The following EMP1 variants were observed in gnomAD, a reference collection of about 807,000 sequenced individuals.
The protein encoded by EMP1 is tumor-associated membrane protein.
EMP1 carries 5 observed loss-of-function variants against 15.7 expected under a neutral mutation model. The ratio of observed to expected loss-of-function variants is 0.32; its 90% CI spans 0.17 to 0.67. EMP1 has a LOEUF of 0.67. Among genes scored for constraint, EMP1 ranks in the 30% least tolerant of loss-of-function variants. EMP1 has a pLI of 0.74. For missense variants in EMP1, 166 were observed against 194.2 expected (o/e 0.85, Z 0.86); for synonymous variants, 78 against 76.7 (o/e 1.02, Z -0.09).
intron 4 of EMP1, chr12:13,214,210 G>A: frequency 1.7e-6 from 1 of 596,644 alleles, no homozygotes. Context: ...GGAAGGACAT[G>A]CTCTTTTGCA....
In EMP1 at chr12:13,218,152, T is replaced by C. The variant is rs1378785790; in HGVS notation, c.*3461T>C. The C allele has an allele frequency of 2.6e-5, 4 of 152,210 alleles. No homozygotes were observed. Among genetic ancestry groups the C allele is most frequent in the Admixed American group, 2.0e-4 (3 of 15,282 alleles). 9.4% of individuals were successfully genotyped at this position (152,210 alleles called of 1,614,324 possible). ...GATAACTTATTCATTCATCAAGGGA[T>C]AAACTTGAGTTATCAAATGGTTAAT... On this transcript the variant is annotated 3_prime_UTR_variant, in exon 5 of 5. Coordinates refer to ENST00000256951, the MANE Select transcript of EMP1 (RefSeq NM_001423.3).
At chr12:13,204,981 T>C (rs1864098830) in intron 1 of EMP1, among the ~76,000 whole-genome samples, 1 of 151,936 alleles carries the variant, frequency 6.6e-6, no homozygotes, top group Non-Finnish European at 1.5e-5. Flanking sequence ...TCTAGTCAGG[T>C]AATCTCACCG....
intron 1 of EMP1, among the ~76,000 whole-genome samples, chr12:13,198,946 T>TC (rs201967453): frequency 0.092 from 12,489 of 135,400 alleles, 583 homozygotes; most frequent in Non-Finnish European, 0.13. Context: ...GGGTTATTTT[T>TC]CCCCCCCACT....
At chr12:13,206,565 A>G (rs1006440169) in intron 1 of EMP1, among the ~76,000 whole-genome samples, 2 of 152,044 alleles carry the variant, frequency 1.3e-5, no homozygotes, top group African/African-American at 4.8e-5. Flanking sequence ...TGGTTGCTCT[A>G]TTCTATTGTG....
In EMP1 at chr12:13,216,617, C is replaced by T. The variant is rs1864218145; in HGVS notation, c.*1926C>T. 2.0e-5 allele frequency: 12 copies of T among 608,360 alleles called. No individual in the cohort carries two copies. Among genetic ancestry groups the T allele is most frequent in the Non-Finnish European group, 3.5e-5 (12 of 343,360 alleles). 37.7% of individuals were successfully genotyped at this position (608,360 alleles called of 1,614,324 possible). A position where few individuals can be genotyped will look rare whatever the true frequency, so the allele number is the denominator to read the frequency against. Reference sequence around the variant, plus strand: ...CTTATCTTTTACTTTTTTTCTGTGACATTTATGTCTCATGTAATTTGCATT... The same window carrying T: ...CTTATCTTTTACTTTTTTTCTGTGATATTTATGTCTCATGTAATTTGCATT... On this transcript the variant is annotated 3_prime_UTR_variant, in exon 5 of 5. Transcript: ENST00000256951.
rs746180933 is a variant in EMP1 at position 13,214,518 on chromosome 12, T to C, written c.317-16T>C. 4 of 1,607,170 alleles carry C rather than the reference T, an allele frequency of 2.5e-6. No homozygotes were observed. The highest frequency in any genetic ancestry group is 3.4e-6 in the Non-Finnish European group (4 of 1,175,904). On this transcript the variant is annotated splice_polypyrimidine_tract_variant and intron_variant, in intron 4 of 4. Coordinates refer to ENST00000256951, the MANE Select transcript of EMP1 (RefSeq NM_001423.3). ...ATGTAAGAAAACACACCGACAAATCTCCTTTTCCCCTGCAGGGCTGTGCAT... is the reference window on the plus strand; with the variant it reads ...ATGTAAGAAAACACACCGACAAATCCCCTTTTCCCCTGCAGGGCTGTGCAT...
intron 1 of EMP1, among the ~76,000 whole-genome samples, chr12:13,204,840 A>G (rs1864097764): frequency 6.6e-6 from 1 of 152,250 alleles, no homozygotes. Context: ...GGGAGTGTCT[A>G]GCAGTAATCT....
At chr12:13,208,540 C>T (rs1317486464) in intron 1 of EMP1, among the ~76,000 whole-genome samples, 1 of 152,146 alleles carries the variant, frequency 6.6e-6, no homozygotes, top group Non-Finnish European at 1.5e-5. Flanking sequence ...ATGGAAGCCC[C>T]TCTAAACTGA....
intron 1 of EMP1, chr12:13,209,706 A>G (rs1196970636): frequency 6.6e-6 from 1 of 152,198 alleles, no homozygotes; most frequent in African/African-American, 2.4e-5. Flanking sequence ...TGAGCGGTCA[A>G]ATAACTGGAT....
intron 1 of EMP1, among the ~76,000 whole-genome samples, chr12:13,204,098 C>G (rs1335476551): frequency 6.6e-6 from 1 of 152,152 alleles, no homozygotes; most frequent in Non-Finnish European, 1.5e-5. Context: ...GCTTGATTGA[C>G]GATGTTTCTC....
At chr12:13,212,120 A>G (rs2291060) in intron 2 of EMP1, among the ~76,000 whole-genome samples, 9,670 of 152,328 alleles carry the variant, frequency 0.063, 459 homozygotes, top group East Asian at 0.16. Context: ...CCAGACTGAC[A>G]AATTCAAATT....
rs560541299 is a variant in EMP1 at position 13,198,079 on chromosome 12, G to T, written c.-43+1207G>T. 9.2e-4 allele frequency among the ~76,000 whole-genome samples: 140 copies of T among 152,274 alleles called. 1 individual carries two copies. In the Middle Eastern group the frequency reaches 0.01, roughly 11 times the overall value. ...CCTTTCAGTGCTGAGTGAAAAGATG[G>T]CATACCAGAAACGATAAAAGAACTT... On this transcript the variant is annotated intron_variant, in intron 1 of 4. Coordinates refer to ENST00000256951, the MANE Select transcript of EMP1 (RefSeq NM_001423.3).
In EMP1 at chr12:13,219,274, A is replaced by G. The variant is rs1446876201; in HGVS notation, c.*4583A>G. 1 of 152,134 alleles carries G rather than the reference A, an allele frequency of 6.6e-6. No homozygotes were observed. Among genetic ancestry groups the G allele is most frequent in the Non-Finnish European group, 1.5e-5 (1 of 68,030 alleles). 9.4% of individuals were successfully genotyped at this position (152,134 alleles called of 1,614,324 possible). ...TATCCATATGTCAGGTCCATACTCA[A>G]CTCAAGCTTCTGGTTAACTGCTGAT... On this transcript the variant is annotated 3_prime_UTR_variant, in exon 5 of 5. Transcript: ENST00000256951.
intron 1 of EMP1, among the ~76,000 whole-genome samples, chr12:13,207,701 C>T (rs149084146): frequency 2.6e-5 from 4 of 152,310 alleles, no homozygotes; most frequent in South Asian, 2.1e-4. Flanking sequence ...CAGCCCCTAA[C>T]TGCCCCTGTG....
intron 1 of EMP1, among the ~76,000 whole-genome samples, chr12:13,206,155 G>A (rs1026597076): frequency 1.3e-5 from 2 of 152,192 alleles, no homozygotes; most frequent in African/African-American, 2.4e-5. Flanking sequence ...TAGAAACTCA[G>A]GGTAGGACTG....
At chr12:13,201,708 C>T (rs1230438110) in intron 1 of EMP1, among the ~76,000 whole-genome samples, 1 of 152,162 alleles carries the variant, frequency 6.6e-6, no homozygotes, top group Non-Finnish European at 1.5e-5. Flanking sequence ...CATGAGCATT[C>T]ACTCGGCACT....
intron 1 of EMP1, among the ~76,000 whole-genome samples, chr12:13,199,960 TC>T (rs1864049251): frequency 1.1e-3 from 156 of 143,928 alleles, no homozygotes; most frequent in East Asian, 7.3e-3. Context: ...TTCTTCTTCT[TC>T]TTCTTTTTTT....
At chr12:13,212,763 A>G (rs1385151276) in intron 2 of EMP1, among the ~76,000 whole-genome samples, 3 of 152,188 alleles carry the variant, frequency 2.0e-5, no homozygotes, top group Non-Finnish European at 2.9e-5. Flanking sequence ...GTGTGTGTGT[A>G]GACAGGACAC....
Position 13,213,770 on chromosome 12 carries a change from A to G in EMP1, c.265A>G (p.Met89Val). 5 of 1,614,122 alleles carry G rather than the reference A, an allele frequency of 3.1e-6. No homozygotes were observed. Among genetic ancestry groups the G allele is most frequent in the Non-Finnish European group, 4.2e-6 (5 of 1,180,036 alleles). ...LLVFVFQLFT[M>V]EKGNRFFLSG... ...GGTCTTCGTGTTCCAGCTCTTCACC[A>G]TGGAGAAGGGAAACCGGTTCTTCCT... is the stretch of plus-strand genomic sequence containing the variant. The change falls in exon 4 of 5, where the codon ATG becomes GTG. Residue 89 changes from methionine to valine, a missense_variant. Met to Val is a conservative substitution (Grantham distance 21, BLOSUM62 1). Coordinates refer to ENST00000256951, the MANE Select transcript of EMP1 (RefSeq NM_001423.3).
Sources: allele counts gnomAD v4.1 joint callset (sites outside exome capture counted in the v4.1 genomes callset), GRCh38; gene constraint gnomAD v4.1.1; transcripts MANE v1.5; gene names NCBI Gene and HGNC (gene_info 2026-07-23, HGNC 2026-07-21).